The following TTC4 variants were observed in gnomAD, a reference collection of about 807,000 sequenced individuals.
The protein encoded by TTC4 is hsp70/Hsp90 co-chaperone CNS1 homolog.
Under a neutral mutation model 51.9 loss-of-function variants are expected in TTC4, and 36 were observed. That is an observed-to-expected ratio of 0.69 (90% CI 0.53 to 0.92). TTC4 has a LOEUF of 0.92. Among genes scored for constraint, TTC4 ranks in the 40% least tolerant of loss-of-function variants. The pLI is 0.00. For missense variants in TTC4, 399 were observed against 454.6 expected (o/e 0.88, Z 1.11); for synonymous variants, 144 against 164.2 (o/e 0.88, Z 0.94).
Position 54,733,656 on chromosome 1 carries a change from TG to T in TTC4, c.926del (p.Gly309ValfsTer8), listed in dbSNP as rs1394845597. The T allele has an allele frequency of 6.2e-7, 1 of 1,604,532 alleles. No homozygotes were observed. The highest frequency in any genetic ancestry group is 8.5e-7 in the Non-Finnish European group (1 of 1,175,082). On this transcript the variant is annotated frameshift_variant, in exon 8 of 10. Coordinates refer to ENST00000371281, the MANE Select transcript of TTC4 (RefSeq NM_004623.5). LOFTEE classifies it high-confidence loss of function. Reference protein sequence around the residue: ...RFIDHLMVMFGETPSWDLEQK... With the variant: ...RFIDHLMVMFXETPSWDLEQK... ...TTATTGATCATCTAATGGTGATGTT[TG>T]GTGAAACACCCTCTTGGGACCTAGA... is the stretch of plus-strand genomic sequence containing the variant.
chr1:54,731,124 G>A (rs1370581212), intron 6 of TTC4, among the ~76,000 whole-genome samples: 1 of 152,186 alleles, frequency 6.6e-6, no homozygotes, highest in African/African-American at 2.4e-5. Flanking sequence ...CAATGAAGGT[G>A]AGTTAAGTGG....
rs1247950053 is a variant in TTC4, at chr1:54,741,290, AAACTT to A, written c.1062-120_1062-116del. 24 of 862,100 alleles carry A rather than the reference AAACTT, an allele frequency of 2.8e-5. No individual in the cohort carries two copies. The East Asian group carries it at 5.5e-4, about 20-fold the overall frequency. 53.4% of individuals were successfully genotyped at this position (862,100 alleles called of 1,614,324 possible). ...TTATGAACAACCACATAACTGTGCT[AAACTT>A]GCATTTTCATGTTGACTCCCATCCA... On this transcript the variant is annotated intron_variant, in intron 9 of 9. Transcript: ENST00000371281.
At chr1:54,731,224 TTTTG>T (rs889814233) in intron 6 of TTC4, among the ~76,000 whole-genome samples, 16 of 151,674 alleles carry the variant, frequency 1.1e-4, no homozygotes, top group Admixed American at 2.0e-4. Context: ...TGGTGTTTTT[TTTTG>T]TTTGTTTGTT....
At position 54,741,582 on chromosome 1, in the gene TTC4, T is replaced by TATGTCCAGCTGATTCA; in HGVS notation, c.*69_*70insATGTCCAGCTGATTCA. 1 of 1,259,924 alleles carries TATGTCCAGCTGATTCA rather than the reference T, an allele frequency of 7.9e-7. No homozygotes were observed. Among genetic ancestry groups the TATGTCCAGCTGATTCA allele is most frequent in the Non-Finnish European group, 1.2e-6 (1 of 860,416 alleles). 78.0% of individuals were successfully genotyped at this position (1,259,924 alleles called of 1,614,324 possible). ...GGGAACCTAGCACACCTGAATCAGC[T>TATGTCCAGCTGATTCA]GGACATACTGCTGGAGTCCAGTGCT... On this transcript the variant is annotated 3_prime_UTR_variant, in exon 10 of 10. Coordinates refer to ENST00000371281, the MANE Select transcript of TTC4 (RefSeq NM_004623.5).
intron 5 of TTC4, among the ~76,000 whole-genome samples, chr1:54,723,119 G>A (rs149011272): frequency 4.9e-4 from 74 of 151,766 alleles, no homozygotes; most frequent in African/African-American, 1.7e-3. Flanking sequence ...TCTGTGTTTA[G>A]ATGTGTTTAG....
rs1646009675 is a variant in TTC4, at chr1:54,741,464, C to CT, written c.1120dup (p.Cys374LeufsTer33). The CT allele has an allele frequency of 1.9e-6, 3 of 1,614,142 alleles. No individual in the cohort carries two copies. Among genetic ancestry groups the CT allele is most frequent in the Non-Finnish European group, 1.7e-6 (2 of 1,180,018 alleles). Reference sequence around the variant, plus strand: ...TTTTTGGTCTGTGTAGGATCCTCTCCTTTTTGCAAGAATTTTCTCCGGGGG... The same window carrying CT: ...TTTTTGGTCTGTGTAGGATCCTCTCCTTTTTTGCAAGAATTTTCTCCGGGGG... On this transcript the variant is annotated frameshift_variant, in exon 10 of 10. Coordinates refer to ENST00000371281, the MANE Select transcript of TTC4 (RefSeq NM_004623.5). LOFTEE classifies it high-confidence loss of function.
At position 54,741,566 on chromosome 1, in the gene TTC4, G is replaced by A. The variant is rs536748609; in HGVS notation, c.*53G>A. 33 of 1,437,222 alleles carry A rather than the reference G, an allele frequency of 2.3e-5. No homozygotes were observed. The highest frequency in any genetic ancestry group is 3.2e-5 in the Non-Finnish European group (33 of 1,020,374). 89.0% of individuals were successfully genotyped at this position (1,437,222 alleles called of 1,614,324 possible). A position where few individuals can be genotyped will look rare whatever the true frequency, so the allele number is the denominator to read the frequency against. On this transcript the variant is annotated 3_prime_UTR_variant, in exon 10 of 10. Transcript: ENST00000371281. ...CTTACCCTCCTCTGCTGGGAACCTA[G>A]CACACCTGAATCAGCTGGACATACT... is the stretch of plus-strand genomic sequence containing the variant.
At chr1:54,717,427 G>A (rs1645689219) in intron 2 of TTC4, 65 bp from the exon 3 acceptor site, 2 of 1,372,518 alleles carry the variant, frequency 1.5e-6, no homozygotes, top group Non-Finnish European at 1.9e-6. Flanking sequence ...ACATGATTTA[G>A]AATCTATTTT....
Position 54,715,876 on chromosome 1 carries a change from CT to C in TTC4, c.-32del. On this transcript the variant is annotated 5_prime_UTR_variant, in exon 1 of 10. Transcript: ENST00000371281. The stretch of plus-strand genomic sequence containing the variant: ...GGAAGGAGCCGCTCGCTTCACGGCG[CT>C]GGGACCCGGGCTGGAAGGCAGGGCA... The C allele has an allele frequency of 6.4e-7, 1 of 1,553,642 alleles. No homozygotes were observed. The highest frequency in any genetic ancestry group is 8.8e-7 in the Non-Finnish European group (1 of 1,141,808).
intron 3 of TTC4, among the ~76,000 whole-genome samples, chr1:54,719,720 T>C (rs1645720076): frequency 1.3e-5 from 2 of 152,244 alleles, no homozygotes; most frequent in South Asian, 4.1e-4. Flanking sequence ...ATTAGTCTGC[T>C]ATTGTTGAGT....
intron 1 of TTC4, 26 bp from the exon 2 acceptor site, chr1:54,716,574 T>G (rs774450320): frequency 6.4e-7 from 1 of 1,564,436 alleles, no homozygotes; most frequent in South Asian, 1.1e-5. Context: ...AGCTTATTCA[T>G]GTAGTTCATT....
chr1:54,721,063 T>A, intron 3 of TTC4, 100 bp from the exon 4 acceptor site: 1 of 1,106,328 alleles, frequency 9.0e-7, no homozygotes, highest in Non-Finnish European at 1.3e-6. Context: ...CATTTGTATT[T>A]CCCCAGGATT....
At chr1:54,739,985 A>C (rs1645992195) in intron 9 of TTC4, among the ~76,000 whole-genome samples, 1 of 152,198 alleles carries the variant, frequency 6.6e-6, no homozygotes, top group South Asian at 2.1e-4. Context: ...CAGAAGTTAG[A>C]GATCATCCTG....
intron 6 of TTC4, among the ~76,000 whole-genome samples, chr1:54,731,210 G>A (rs1053103538): frequency 2.9e-4 from 43 of 150,172 alleles, no homozygotes; most frequent in African/African-American, 1.1e-3. Flanking sequence ...AGCTCCCATT[G>A]TTATGGTGTT....
chr1:54,716,840 C>T (rs1480576255), intron 2 of TTC4, 123 bp downstream of exon 2: 3 of 745,810 alleles, frequency 4.0e-6, no homozygotes, highest in African/African-American at 1.8e-5. Context: ...TTATTCATTC[C>T]AATATACTTC....
chr1:54,723,926 G>A (rs1557744824), intron 5 of TTC4, among the ~76,000 whole-genome samples: 2 of 152,178 alleles, frequency 1.3e-5, no homozygotes, highest in African/African-American at 4.8e-5. Context: ...TGGTAGAAAA[G>A]GTAGATCTCT....
intron 7 of TTC4, among the ~76,000 whole-genome samples, chr1:54,732,459 A>ATTTTTTT (rs553266972): frequency 7.2e-6 from 1 of 139,860 alleles, no homozygotes. Flanking sequence ...TTTTTTTGTA[A>ATTTTTTT]TTTTTTTTTT....
chr1:54,716,128 C>A, intron 1 of TTC4, 109 bp downstream of exon 1: 2 of 879,744 alleles, frequency 2.3e-6, no homozygotes, highest in South Asian at 1.5e-5. Flanking sequence ...CGCTGCCAGC[C>A]GATCGCTGGT....
chr1:54,736,012 C>T (rs1645927906), intron 8 of TTC4, among the ~76,000 whole-genome samples: 1 of 152,028 alleles, frequency 6.6e-6, no homozygotes, highest in Admixed American at 6.6e-5. Flanking sequence ...TCCCAAGAAG[C>T]CCTGGTTCTT....
Sources: gnomAD v4.1 joint callset for allele counts (sites outside exome capture counted in the v4.1 genomes callset) on GRCh38, gnomAD v4.1.1 for gene constraint, MANE v1.5 for transcripts, NCBI Gene and HGNC (gene_info 2026-07-23, HGNC 2026-07-21) for gene names.